IQCK: variants seen among roughly 807,000 people sequenced by gnomAD.
IQCK encodes IQ domain-containing protein K.
IQCK carries 29 observed loss-of-function variants against 28.1 expected under a neutral mutation model. The ratio of observed to expected loss-of-function variants is 1.03; its 90% CI spans 0.77 to 1.41. The LOEUF (loss-of-function observed/expected upper bound fraction) is 1.41, where lower values mean the gene tolerates loss of function less well. IQCK is among the 40% of genes most tolerant of loss of function. The pLI is 0.00. For synonymous variants in IQCK, 113 were observed against 115.1 expected (o/e 0.98, Z 0.12); for missense variants, 359 against 314.7 (o/e 1.14, Z -1.07).
intron 9 of IQCK, among the ~76,000 whole-genome samples, chr16:19,840,648 G>A (rs1481156216): frequency 1.3e-5 from 2 of 152,158 alleles, no homozygotes; most frequent in Non-Finnish European, 2.9e-5. Context: ...CACCTTTGAA[G>A]TAGTTACTGC....
intron 4 of IQCK, among the ~76,000 whole-genome samples, chr16:19,747,219 T>C (rs2054923181): frequency 6.6e-6 from 1 of 152,220 alleles, no homozygotes; most frequent in Non-Finnish European, 1.5e-5. Flanking sequence ...GGTTCATTCA[T>C]GTGTCTTTGG....
At chr16:19,779,204 T>A (rs2055441031) in intron 6 of IQCK, among the ~76,000 whole-genome samples, 1 of 152,160 alleles carries the variant, frequency 6.6e-6, no homozygotes, top group Non-Finnish European at 1.5e-5. Flanking sequence ...TTCACTGAAA[T>A]CAACCTAATA....
chr16:19,730,743 G>A (rs767289884), intron 2 of IQCK, among the ~76,000 whole-genome samples: 2 of 126,356 alleles, frequency 1.6e-5, no homozygotes, highest in Non-Finnish European at 3.0e-5. Context: ...CTGTCTGTCT[G>A]TCTATCTATC....
downstream of IQCK, among the ~76,000 whole-genome samples, chr16:19,831,716 G>A (rs2056235433): frequency 6.6e-6 from 1 of 151,420 alleles, no homozygotes; most frequent in Non-Finnish European, 1.5e-5. Context: ...ATCTTTTTAA[G>A]TTGTTGCCAT....
chr16:19,822,796 T>C (rs888266146), intron 7 of IQCK, among the ~76,000 whole-genome samples: 1 of 152,230 alleles, frequency 6.6e-6, no homozygotes, highest in South Asian at 2.1e-4. Context: ...GTAAGTGTAC[T>C]TAATGCTACT....
intron 1 of IQCK, among the ~76,000 whole-genome samples, chr16:19,728,915 A>G (rs739564): frequency 0.34 from 52,033 of 152,052 alleles, 13,925 homozygotes; most frequent in African/African-American, 0.75. Flanking sequence ...AATAAAACTT[A>G]TGTCCATACG....
intron 7 of IQCK, among the ~76,000 whole-genome samples, chr16:19,805,736 C>T (rs1366405994): frequency 1.3e-5 from 2 of 152,142 alleles, no homozygotes; most frequent in Non-Finnish European, 2.9e-5. Context: ...TTCATAGAAA[C>T]CAGGCATTGC....
At chr16:19,792,697 G>A (rs575249912) in intron 7 of IQCK, among the ~76,000 whole-genome samples, 8 of 106,134 alleles carry the variant, frequency 7.5e-5, no homozygotes, top group African/African-American at 5.8e-4. Context: ...TCAGCCTACC[G>A]AGTAGGTGGG....
At chr16:19,830,951 G>T (rs967928642), downstream of IQCK, among the ~76,000 whole-genome samples, 1 of 152,208 alleles carries the variant, frequency 6.6e-6, no homozygotes, top group African/African-American at 2.4e-5. Flanking sequence ...TAGACTCCAA[G>T]CTCCATGGGC....
At chr16:19,731,498 C>T (rs1212994490) in intron 2 of IQCK, among the ~76,000 whole-genome samples, 2 of 152,176 alleles carry the variant, frequency 1.3e-5, no homozygotes, top group African/African-American at 4.8e-5. Context: ...GGACGCAATT[C>T]TTTCTCAAAT....
chr16:19,726,361 T>C (rs1385039611), intron 1 of IQCK, among the ~76,000 whole-genome samples: 1 of 152,198 alleles, frequency 6.6e-6, no homozygotes, highest in African/African-American at 2.4e-5. Flanking sequence ...ACAGGCAGTG[T>C]CACTATTGGG....
At position 19,816,887 on chromosome 16, in the gene IQCK, C is replaced by T. The variant is rs185860558; in HGVS notation, c.691-10139C>T. Among the ~76,000 whole-genome samples the T allele has an allele frequency of 4.6e-3, 707 of 152,248 alleles. 3 individuals carry two copies. Among genetic ancestry groups the T allele is most frequent in the Non-Finnish European group, 8.0e-3 (541 of 68,020 alleles). On this transcript the variant is annotated intron_variant, in intron 7 of 7. Coordinates refer to ENST00000564186, the Ensembl canonical transcript of IQCK. ...TATCTCAGCTTATTTTCACACCAAC[C>T]CAATGAAAAAATATTTTTATTTTCC...
At chr16:19,734,981 C>T (rs1977965366) in intron 3 of IQCK, among the ~76,000 whole-genome samples, 1 of 151,948 alleles carries the variant, frequency 6.6e-6, no homozygotes, top group Non-Finnish European at 1.5e-5. Context: ...TTACTGTGAC[C>T]CTAAGCCCTT....
chr16:19,809,727 C>T (rs1163821791), intron 7 of IQCK, among the ~76,000 whole-genome samples: 1 of 152,188 alleles, frequency 6.6e-6, no homozygotes, highest in Non-Finnish European at 1.5e-5. Context: ...CACAGTGCAG[C>T]GGTTCTCCGA....
intron 9 of IQCK, among the ~76,000 whole-genome samples, chr16:19,850,365 ATAGCACT>A (rs1220922887): frequency 5.9e-5 from 9 of 152,218 alleles, no homozygotes; most frequent in Non-Finnish European, 1.0e-4. Context: ...GGGGAAAATA[ATAGCACT>A]TAGCTCACTA....
At chr16:19,812,961 A>G (rs1240623339) in intron 7 of IQCK, among the ~76,000 whole-genome samples, 1 of 152,242 alleles carries the variant, frequency 6.6e-6, no homozygotes, top group East Asian at 1.9e-4. Context: ...TCACCTGCAG[A>G]GTTTGGTAAA....
intron 1 of IQCK, among the ~76,000 whole-genome samples, chr16:19,727,893 G>A (rs866679676): frequency 2.0e-5 from 3 of 151,994 alleles, no homozygotes; most frequent in Non-Finnish European, 4.4e-5. Context: ...TATGGTAGGC[G>A]GAATTCTAAG....
intron 7 of IQCK, among the ~76,000 whole-genome samples, chr16:19,809,077 G>A (rs750208231): frequency 1.8e-4 from 27 of 152,100 alleles, no homozygotes; most frequent in South Asian, 4.1e-4. Flanking sequence ...GGCTGGTCTC[G>A]AACTCCTGAC....
intron 7 of IQCK, among the ~76,000 whole-genome samples, chr16:19,799,638 A>ACCC: frequency 7.9e-6 from 1 of 126,030 alleles, no homozygotes; most frequent in African/African-American, 4.6e-5. Context: ...ACACACACAC[A>ACCC]CACCCAGTGA....
Sources: gnomAD v4.1 joint callset for allele counts (sites outside exome capture counted in the v4.1 genomes callset) on GRCh38, gnomAD v4.1.1 for gene constraint, MANE v1.5 for transcripts, NCBI Gene and HGNC (gene_info 2026-07-23, HGNC 2026-07-21) for gene names.